NR3C2: variants seen among roughly 807,000 people sequenced by gnomAD.
NR3C2 encodes nuclear receptor subfamily 3 group C member 2.
A neutral mutation model predicts 86.4 loss-of-function variants in NR3C2; 15 were observed. The observed-to-expected ratio is 0.17, with a 90% CI of 0.12 to 0.27. NR3C2 has a LOEUF of 0.27. Ranked by LOEUF, NR3C2 falls within the 10% of genes least tolerant of loss-of-function variation. The probability of loss-of-function intolerance (pLI) is 1.00; values close to 1 mark genes in which losing one functional copy is unlikely to be tolerated. For missense variants in NR3C2, 960 were observed against 1,195.6 expected (o/e 0.80, Z 2.91); for synonymous variants, 458 against 450.5 (o/e 1.02, Z -0.21).
chr4:148,355,370 A>G (rs1320188631), intron 2 of NR3C2, among the ~76,000 whole-genome samples: 2 of 151,936 alleles, frequency 1.3e-5, no homozygotes, highest in African/African-American at 4.9e-5. Context: ...TGCATTTATC[A>G]TAATGTTTCT....
chr4:148,288,116 C>T (rs978463588), intron 2 of NR3C2, among the ~76,000 whole-genome samples: 22 of 152,116 alleles, frequency 1.4e-4, no homozygotes, highest in African/African-American at 4.8e-4. Flanking sequence ...ATTTCTGGTC[C>T]CATTGATACC....
At chr4:148,155,180 T>C (rs898318546) in intron 4 of NR3C2, among the ~76,000 whole-genome samples, 5 of 152,222 alleles carry the variant, frequency 3.3e-5, no homozygotes, top group African/African-American at 1.2e-4. Context: ...CCAGCTAATA[T>C]GTTCAGTATA....
chr4:148,385,903 G>T (rs1356414588), intron 2 of NR3C2, among the ~76,000 whole-genome samples: 1 of 152,150 alleles, frequency 6.6e-6, no homozygotes, highest in African/African-American at 2.4e-5. Context: ...CTGCCTCCTT[G>T]AGTTACTTTC....
chr4:148,380,171 A>G (rs1746896027), intron 2 of NR3C2, among the ~76,000 whole-genome samples: 1 of 152,212 alleles, frequency 6.6e-6, no homozygotes, highest in African/African-American at 2.4e-5. Flanking sequence ...CAACTATTTT[A>G]TAAGAAACTA....
intron 4 of NR3C2, among the ~76,000 whole-genome samples, chr4:148,192,303 G>T (rs1736235298): frequency 1.3e-5 from 2 of 152,180 alleles, no homozygotes; most frequent in Non-Finnish European, 2.9e-5. Flanking sequence ...GGCATTGGGG[G>T]TTGTCTGCAC....
At chr4:148,268,588 C>A (rs1740513676) in intron 2 of NR3C2, among the ~76,000 whole-genome samples, 1 of 152,156 alleles carries the variant, frequency 6.6e-6, no homozygotes, top group African/African-American at 2.4e-5. Context: ...AATTAGTCTT[C>A]CACAATTTAC....
chr4:148,328,041 G>A (rs1480985998), intron 2 of NR3C2, among the ~76,000 whole-genome samples: 1 of 140,484 alleles, frequency 7.1e-6, no homozygotes, highest in African/African-American at 2.9e-5. Flanking sequence ...GGCAACAGAG[G>A]GCCCCAGGAG....
At chr4:148,258,148 C>T (rs571603520) in intron 3 of NR3C2, among the ~76,000 whole-genome samples, 2 of 152,298 alleles carry the variant, frequency 1.3e-5, no homozygotes, top group Admixed American at 1.3e-4. Flanking sequence ...CAGGTAGGGC[C>T]AGCTGGCCAA....
rs766656170 is a variant in NR3C2, at chr4:148,154,613, G to C, written c.2303C>G (p.Thr768Arg). 1 of 1,614,188 alleles carries C rather than the reference G, an allele frequency of 6.2e-7. No individual in the cohort carries two copies. The highest frequency in any genetic ancestry group is 1.1e-5 in the South Asian group (1 of 91,078). Reference sequence around the variant, plus strand: ...CTGTTTGCCTGCTAAGCGGTTGAGCGTGGAGAGCAGATTTTCGGCTGTATC... The same window carrying C: ...CTGTTTGCCTGCTAAGCGGTTGAGCCTGGAGAGCAGATTTTCGGCTGTATC... ...KPDTAENLLS[T>R]LNRLAGKQMI... is the part of the protein sequence containing the mutation. The change falls in exon 5 of 9, where the codon ACG becomes AGG. Residue 768 changes from threonine to arginine, a missense_variant. Thr to Arg is a moderately conservative substitution (Grantham distance 71). Coordinates refer to ENST00000358102, the MANE Select transcript of NR3C2 (RefSeq NM_000901.5).
intron 6 of NR3C2, among the ~76,000 whole-genome samples, chr4:148,130,903 A>G (rs1321153102): frequency 6.8e-6 from 1 of 146,082 alleles, no homozygotes; most frequent in African/African-American, 2.5e-5. Context: ...GGCTCACTGC[A>G]AACTCCGCCT....
chr4:148,409,366 T>C (rs542712949), intron 2 of NR3C2, among the ~76,000 whole-genome samples: 73 of 152,274 alleles, frequency 4.8e-4, no homozygotes, highest in African/African-American at 1.7e-3. Context: ...TTTTTCCTTA[T>C]CAAATTGAGC....
chr4:148,285,140 T>A (rs1741449927), intron 2 of NR3C2, among the ~76,000 whole-genome samples: 1 of 152,188 alleles, frequency 6.6e-6, no homozygotes, highest in Non-Finnish European at 1.5e-5. Context: ...GATTACACCA[T>A]ACTGAAAAAG....
intron 8 of NR3C2, among the ~76,000 whole-genome samples, chr4:148,081,892 G>A (rs1440982230): frequency 6.6e-6 from 1 of 152,220 alleles, no homozygotes; most frequent in African/African-American, 2.4e-5. Context: ...TGGGCTGGTG[G>A]GAAGGGGCAA....
At chr4:148,404,589 T>A (rs1748323093) in intron 2 of NR3C2, among the ~76,000 whole-genome samples, 1 of 152,136 alleles carries the variant, frequency 6.6e-6, no homozygotes. Context: ...TTTCAAGCAA[T>A]CACTTCCCAG....
At chr4:148,217,698 G>A (rs1049528823) in intron 3 of NR3C2, among the ~76,000 whole-genome samples, 3 of 152,200 alleles carry the variant, frequency 2.0e-5, no homozygotes, top group Non-Finnish European at 4.4e-5. Flanking sequence ...AACACCAAAT[G>A]TGGATCCAGA....
chr4:148,373,730 C>T lies in NR3C2; in HGVS notation c.1757+61374G>A, dbSNP rs150149855. ...CGACCTTGTAATCCACCTGCCTCGG[C>T]CTCCCACAAAGTGTTGGGATTATAG... On this transcript the variant is annotated intron_variant, in intron 2 of 8. Coordinates refer to ENST00000358102, the MANE Select transcript of NR3C2 (RefSeq NM_000901.5). 7.2e-5 allele frequency among the ~76,000 whole-genome samples: 11 copies of T among 152,162 alleles called. 1 individual carries two copies. Among genetic ancestry groups the T allele is most frequent in the African/African-American group, 2.6e-4 (11 of 41,512 alleles).
chr4:148,235,497 GAATT>G (rs1482663095), intron 3 of NR3C2, among the ~76,000 whole-genome samples: 1 of 152,002 alleles, frequency 6.6e-6, no homozygotes, highest in African/African-American at 2.4e-5. Flanking sequence ...ATAAAAATAA[GAATT>G]AAAAGCAGAA....
intron 2 of NR3C2, among the ~76,000 whole-genome samples, chr4:148,383,680 C>T (rs1252360458): frequency 1.3e-5 from 2 of 152,116 alleles, no homozygotes; most frequent in South Asian, 4.1e-4. Context: ...TGGACGGGCG[C>T]AGTGGCTCAC....
At chr4:148,158,520 C>A (rs1734505641) in intron 4 of NR3C2, among the ~76,000 whole-genome samples, 1 of 152,206 alleles carries the variant, frequency 6.6e-6, no homozygotes, top group Non-Finnish European at 1.5e-5. Context: ...CACTTCCATT[C>A]TTCCCCCATA....
Sources: gnomAD v4.1 joint callset for allele counts (sites outside exome capture counted in the v4.1 genomes callset) on GRCh38, gnomAD v4.1.1 for gene constraint, MANE v1.5 for transcripts, NCBI Gene and HGNC (gene_info 2026-07-23, HGNC 2026-07-21) for gene names.